The following PTGER3 variants were observed in gnomAD, a reference collection of about 807,000 sequenced individuals.
PTGER3 encodes the protein prostaglandin E receptor 3.
In PTGER3, 22 loss-of-function variants were observed where a neutral mutation model predicts 34.7. The observed-to-expected ratio is 0.63, with a 90% CI of 0.45 to 0.91. The LOEUF is 0.91. PTGER3 is among the 40% of genes least tolerant of loss of function. The probability of loss-of-function intolerance (pLI) is 0.00; values close to 1 mark genes in which losing one functional copy is unlikely to be tolerated. For synonymous variants in PTGER3, 241 were observed against 230.1 expected (o/e 1.05, Z -0.43); for missense variants, 468 against 519.4 (o/e 0.90, Z 0.96).
Position 70,907,435 on chromosome 1 carries a change from C to T in PTGER3, c.*23+46328G>A, listed in dbSNP as rs140565773. Reference sequence around the variant, plus strand: ...CTCTACTATCAATCAGGACATGATGCGAAAGCCAGAAGCCTTCAAAGAACC... The same window carrying T: ...CTCTACTATCAATCAGGACATGATGTGAAAGCCAGAAGCCTTCAAAGAACC... On this transcript the variant is annotated intron_variant, in intron 4 of 4. Transcript: ENST00000370931. Among the ~76,000 whole-genome samples, 30 of 152,300 alleles carry T rather than the reference C, an allele frequency of 2.0e-4. No homozygotes were observed. The East Asian group carries it at 4.6e-3, about 24-fold the overall frequency.
intron 4 of PTGER3, among the ~76,000 whole-genome samples, chr1:70,873,738 C>T (rs1309764783): frequency 1.3e-5 from 2 of 151,292 alleles, no homozygotes; most frequent in African/African-American, 4.9e-5. Context: ...ACCTCTGCCT[C>T]CCGAGTTCAA....
intron 4 of PTGER3, among the ~76,000 whole-genome samples, chr1:70,935,030 G>A (rs974815103): frequency 1.3e-5 from 2 of 152,090 alleles, no homozygotes; most frequent in Admixed American, 1.3e-4. Flanking sequence ...GAAGTTACAT[G>A]TGGTTTATAT....
At chr1:70,888,929 G>C (rs1166856498) in intron 4 of PTGER3, among the ~76,000 whole-genome samples, 1 of 152,166 alleles carries the variant, frequency 6.6e-6, no homozygotes, top group East Asian at 1.9e-4. Context: ...CAGCAGCCCT[G>C]AGATAGGGTG....
At chr1:70,967,894 G>A (rs916053081), downstream of PTGER3, among the ~76,000 whole-genome samples, 7 of 152,102 alleles carry the variant, frequency 4.6e-5, no homozygotes, top group African/African-American at 1.7e-4. Flanking sequence ...ATTTTATTAT[G>A]TAAAAGATAA....
intron 4 of PTGER3, among the ~76,000 whole-genome samples, chr1:70,905,819 C>T (rs1646935539): frequency 6.6e-6 from 1 of 152,052 alleles, no homozygotes; most frequent in Non-Finnish European, 1.5e-5. Context: ...GTTGGGAAGG[C>T]ATGATTGGTT....
intron 2 of PTGER3, among the ~76,000 whole-genome samples, chr1:71,004,681 A>G (rs1265318971): frequency 6.6e-6 from 1 of 152,254 alleles, no homozygotes; most frequent in Non-Finnish European, 1.5e-5. Flanking sequence ...TTTGAGAGAC[A>G]TACAAACCCT....
chr1:71,018,178 C>A (rs1658084786), intron 1 of PTGER3, among the ~76,000 whole-genome samples: 1 of 152,010 alleles, frequency 6.6e-6, no homozygotes, highest in Admixed American at 6.6e-5. Flanking sequence ...AGCTCTCAAC[C>A]AATGTTAAGA....
chr1:70,927,241 G>C (rs961141660), intron 4 of PTGER3, among the ~76,000 whole-genome samples: 3 of 152,010 alleles, frequency 2.0e-5, no homozygotes, highest in Non-Finnish European at 4.4e-5. Context: ...GATTGGAATA[G>C]TTTTAGAAGG....
At position 71,046,998 on chromosome 1, in the gene PTGER3, G is replaced by C. The variant is rs1225121777; in HGVS notation, c.580C>G (p.Leu194Val). 1 of 1,611,336 alleles carries C rather than the reference G, an allele frequency of 6.2e-7. No individual in the cohort carries two copies. Among genetic ancestry groups the C allele is most frequent in the Non-Finnish European group, 8.5e-7 (1 of 1,179,152 alleles). The part of the protein sequence containing the change: ...AVLAFALLPV[L>V]GVGQYTVQWP... ...TGGACGGTGTACTGGCCCACGCCCA[G>C]CACCGGCAGCAGGGCGAAGGCGAGC... The change falls in exon 1 of 4, where the codon CTG becomes GTG. Residue 194 changes from leucine to valine, a missense_variant. Physicochemically the swap from Leu to Val is conservative, Grantham distance 32. Coordinates refer to ENST00000306666, the MANE Select transcript of PTGER3 (RefSeq NM_198719.2).
At chr1:70,968,099 T>TTA (rs1477972691), downstream of PTGER3, among the ~76,000 whole-genome samples, 2 of 152,144 alleles carry the variant, frequency 1.3e-5, no homozygotes, top group African/African-American at 4.8e-5. Context: ...AGTTTTTTGT[T>TTA]TATTTGTTTG....
rs763103321 is a variant in PTGER3 at position 70,852,879 on chromosome 1, A to T, written c.*24-20T>A. 10 of 1,611,514 alleles carry T rather than the reference A, an allele frequency of 6.2e-6. No homozygotes were observed. In the African/African-American group the frequency reaches 9.4e-5, roughly 15 times the overall value. The stretch of plus-strand genomic sequence containing the variant: ...TTCCTCCTGGAAAACAAACAAATCA[A>T]TTAGGATAGCCAATAATAAATGCAC... On this transcript the variant is annotated intron_variant, in intron 4 of 4. Coordinates refer to the PTGER3 transcript ENST00000370931.
chr1:70,954,939 C>T (rs1651166215), intron 2 of PTGER3, among the ~76,000 whole-genome samples: 1 of 152,026 alleles, frequency 6.6e-6, no homozygotes, highest in African/African-American at 2.4e-5. Context: ...CCCACAGTTT[C>T]AGAGAATTTT....
At chr1:70,887,924 A>G (rs1299220715) in intron 4 of PTGER3, among the ~76,000 whole-genome samples, 1 of 152,206 alleles carries the variant, frequency 6.6e-6, no homozygotes, top group Non-Finnish European at 1.5e-5. Flanking sequence ...CTTTCTGAGT[A>G]ACTCAAAATA....
intron 4 of PTGER3, among the ~76,000 whole-genome samples, chr1:70,906,035 TG>T (rs67531441): frequency 0.43 from 64,829 of 151,776 alleles, 14,401 homozygotes; most frequent in East Asian, 0.65. Flanking sequence ...TAGGATCTGA[TG>T]GGTTTAAAAA....
At chr1:70,893,769 T>C (rs947410159) in intron 4 of PTGER3, among the ~76,000 whole-genome samples, 1 of 152,216 alleles carries the variant, frequency 6.6e-6, no homozygotes, top group African/African-American at 2.4e-5. Context: ...TATGCAAATG[T>C]TCCAAAGTCT....
At position 70,946,690 on chromosome 1, in the gene PTGER3, G is replaced by T. The variant is rs553117468; in HGVS notation, c.*23+7073C>A. Among the ~76,000 whole-genome samples the T allele has an allele frequency of 1.3e-4, 20 of 152,172 alleles. No individual in the cohort carries two copies. In the South Asian group the frequency reaches 4.2e-3, roughly 32 times the overall value. On this transcript the variant is annotated intron_variant, in intron 4 of 4. Coordinates refer to the PTGER3 transcript ENST00000370931. Reference sequence around the variant, plus strand: ...CACCACACCAAAATGATCTCCAATAGTCCACTCAACTGGCACAGTTTGCCT... The same window carrying T: ...CACCACACCAAAATGATCTCCAATATTCCACTCAACTGGCACAGTTTGCCT...
At chr1:70,975,631 A>G (rs1653615699) in intron 2 of PTGER3, among the ~76,000 whole-genome samples, 3 of 152,134 alleles carry the variant, frequency 2.0e-5, no homozygotes, top group African/African-American at 7.2e-5. Flanking sequence ...TGTTAAGCAA[A>G]TGGATGATTT....
intron 2 of PTGER3, chr1:71,010,762 A>G (rs1657368144): frequency 3.0e-6 from 3 of 985,256 alleles, no homozygotes; most frequent in African/African-American, 1.7e-5. Context: ...AGCACTCTCA[A>G]CAGATTTTGT....
chr1:70,953,183 A>C (rs1650951492), intron 3 of PTGER3: 1 of 826,526 alleles, frequency 1.2e-6, no homozygotes, highest in South Asian at 2.8e-5. Flanking sequence ...ACATTGTATT[A>C]GGCATTATAA....
Sources: allele counts gnomAD v4.1 joint callset (sites outside exome capture counted in the v4.1 genomes callset), GRCh38; gene constraint gnomAD v4.1.1; transcripts MANE v1.5; gene names NCBI Gene and HGNC (gene_info 2026-07-23, HGNC 2026-07-21).